SEMA6D: variants seen among roughly 807,000 people sequenced by gnomAD.
SEMA6D encodes semaphorin-6D.
SEMA6D carries 35 observed loss-of-function variants against 106.6 expected under a neutral mutation model. The ratio of observed to expected loss-of-function variants is 0.33; its 90% CI spans 0.25 to 0.44. The LOEUF (loss-of-function observed/expected upper bound fraction) is 0.44, where lower values mean the gene tolerates loss of function less well. SEMA6D is among the 20% of genes least tolerant of loss of function. The pLI is 1.00. For synonymous variants in SEMA6D, 499 were observed against 487.7 expected (o/e 1.02, Z -0.31); for missense variants, 1,185 against 1,345.9 (o/e 0.88, Z 1.87).
intron 8 of SEMA6D, 121 bp downstream of exon 8, chr15:47,762,440 C>T (rs1392347696): frequency 9.0e-7 from 1 of 1,117,100 alleles, no homozygotes. Context: ...AGAACAAGTA[C>T]ACACTGCTTT....
At chr15:47,758,588 G>A (rs2081896921) in intron 1 of SEMA6D, among the ~76,000 whole-genome samples, 1 of 152,000 alleles carries the variant, frequency 6.6e-6, no homozygotes, top group Non-Finnish European at 1.5e-5. Context: ...TTACTATAAT[G>A]CAATTAATGC....
intron 3 of SEMA6D, among the ~76,000 whole-genome samples, chr15:47,562,753 T>C (rs2046117545): frequency 6.6e-6 from 1 of 152,148 alleles, no homozygotes. Flanking sequence ...GTATAGCTAC[T>C]TTAGAAACAA....
At chr15:47,287,856 T>C (rs1017369411) in intron 1 of SEMA6D, among the ~76,000 whole-genome samples, 2 of 152,194 alleles carry the variant, frequency 1.3e-5, no homozygotes, top group Non-Finnish European at 2.9e-5. Flanking sequence ...TTTAATTGGC[T>C]CATGGCTCTG....
chr15:47,435,546 G>A (rs1275032256), intron 2 of SEMA6D, among the ~76,000 whole-genome samples: 1 of 152,036 alleles, frequency 6.6e-6, no homozygotes, highest in Non-Finnish European at 1.5e-5. Flanking sequence ...CTGAGCTAAG[G>A]GAAGTCTGTG....
chr15:47,681,972 A>G (rs1434736722), intron 4 of SEMA6D, among the ~76,000 whole-genome samples: 2 of 152,188 alleles, frequency 1.3e-5, no homozygotes, highest in Non-Finnish European at 2.9e-5. Flanking sequence ...TCAATGGTCT[A>G]GTTGTTTCAA....
At chr15:47,366,649 G>A (rs951654258) in intron 1 of SEMA6D, among the ~76,000 whole-genome samples, 4 of 152,174 alleles carry the variant, frequency 2.6e-5, no homozygotes, top group South Asian at 2.1e-4. Flanking sequence ...TGAGGGATGA[G>A]TTGATATTAC....
intron 1 of SEMA6D, among the ~76,000 whole-genome samples, chr15:47,261,069 G>A (rs184488787): frequency 6.6e-6 from 1 of 152,080 alleles, no homozygotes; most frequent in Non-Finnish European, 1.5e-5. Context: ...TATTTCCAGG[G>A]TTTATAATTG....
chr15:47,420,926 T>C (rs1830536952), intron 2 of SEMA6D, among the ~76,000 whole-genome samples: 2 of 152,060 alleles, frequency 1.3e-5, no homozygotes, highest in African/African-American at 4.8e-5. Context: ...ACGATCACAA[T>C]TAGTGACATA....
At chr15:47,411,902 T>C (rs529696578) in intron 1 of SEMA6D, among the ~76,000 whole-genome samples, 1 of 150,754 alleles carries the variant, frequency 6.6e-6, no homozygotes, top group Non-Finnish European at 1.5e-5. Flanking sequence ...AGTAAGAGTA[T>C]AGGTTATCCT....
intron 4 of SEMA6D, among the ~76,000 whole-genome samples, chr15:47,636,094 G>A (rs377147179): frequency 2.0e-5 from 3 of 152,100 alleles, no homozygotes; most frequent in African/African-American, 7.2e-5. Context: ...GACAGAGATG[G>A]GGAGCAGGAT....
At chr15:47,590,452 C>G (rs1466545454) in intron 3 of SEMA6D, among the ~76,000 whole-genome samples, 1 of 151,978 alleles carries the variant, frequency 6.6e-6, no homozygotes, top group African/African-American at 2.4e-5. Context: ...ATGAGTGCAG[C>G]AAACCAACAT....
At chr15:47,584,118 C>G (rs1347371937) in intron 3 of SEMA6D, among the ~76,000 whole-genome samples, 1 of 152,160 alleles carries the variant, frequency 6.6e-6, no homozygotes, top group Non-Finnish European at 1.5e-5. Flanking sequence ...CCCCACACTC[C>G]CTAACAGAAC....
rs374871367 is a variant in SEMA6D at position 47,771,300 on chromosome 15, G to A, written c.2737G>A (p.Gly913Arg). The change falls in exon 19 of 19, where the codon GGA (glycine) becomes AGA (arginine). Residue 913 changes from glycine to arginine, a missense_variant. Physicochemically the swap from Gly to Arg is moderately radical, Grantham distance 125 (BLOSUM62 -2). Coordinates refer to ENST00000536845, the MANE Select transcript of SEMA6D (RefSeq NM_001358351.3). ...AHQNLMLDPM[G>R]SMSEVPPKVP... ...CCAGAACTTAATGCTGGATCCCATG[G>A]GATCGATGTCTGAGGTCCCACCTAA... The A allele has an allele frequency of 8.7e-6, 14 of 1,613,958 alleles. No homozygotes were observed. In the African/African-American group the frequency reaches 1.5e-4, roughly 17 times the overall value.
At chr15:47,398,895 C>T (rs558141882) in intron 1 of SEMA6D, among the ~76,000 whole-genome samples, 6 of 152,168 alleles carry the variant, frequency 3.9e-5, no homozygotes, top group African/African-American at 1.4e-4. Flanking sequence ...TCAGGAGCCA[C>T]ACTTCCTGAG....
chr15:47,756,604 C>A (rs2081755829), intron 1 of SEMA6D, among the ~76,000 whole-genome samples: 1 of 152,180 alleles, frequency 6.6e-6, no homozygotes, highest in African/African-American at 2.4e-5. Context: ...AGTTTGAACT[C>A]AGATTTTTCT....
intron 1 of SEMA6D, among the ~76,000 whole-genome samples, chr15:47,728,327 A>T (rs969524695): frequency 2.9e-4 from 44 of 152,384 alleles, no homozygotes; most frequent in African/African-American, 9.6e-4. Context: ...TCTAGTGAAA[A>T]GTATTATTAT....
chr15:47,690,363 G>A (rs895160847), intron 4 of SEMA6D, among the ~76,000 whole-genome samples: 2 of 152,038 alleles, frequency 1.3e-5, no homozygotes, highest in Non-Finnish European at 2.9e-5. Flanking sequence ...GAAAAAAAAC[G>A]CAAATATTAA....
chr15:47,572,618 T>C (rs1379136387), intron 3 of SEMA6D, among the ~76,000 whole-genome samples: 1 of 152,102 alleles, frequency 6.6e-6, no homozygotes, highest in African/African-American at 2.4e-5. Flanking sequence ...TACTGACATA[T>C]TAAGAATCAA....
chr15:47,288,505 G>C (rs2035464960), intron 1 of SEMA6D, among the ~76,000 whole-genome samples: 1 of 152,190 alleles, frequency 6.6e-6, no homozygotes, highest in South Asian at 2.1e-4. Flanking sequence ...ATGTATCTCA[G>C]TATCACAGTG....
Sources: gnomAD v4.1 joint callset for allele counts (sites outside exome capture counted in the v4.1 genomes callset) on GRCh38, gnomAD v4.1.1 for gene constraint, MANE v1.5 for transcripts, NCBI Gene and HGNC (gene_info 2026-07-23, HGNC 2026-07-21) for gene names.